The following YIPF3 variants were observed in gnomAD, a reference collection of about 807,000 sequenced individuals.
YIPF3 encodes protein YIPF3.
Under a neutral mutation model 40.3 loss-of-function variants are expected in YIPF3, and 18 were observed. The ratio of observed to expected loss-of-function variants is 0.45; its 90% CI spans 0.31 to 0.66. The LOEUF (loss-of-function observed/expected upper bound fraction) is 0.66, where lower values mean the gene tolerates loss of function less well. YIPF3 is among the 30% of genes least tolerant of loss of function. The pLI, the probability that YIPF3 is intolerant of heterozygous loss-of-function variation, is 0.07. For synonymous variants in YIPF3, 190 were observed against 179.6 expected, an observed-to-expected ratio of 1.06 and a Z score of -0.46; for missense variants, 406 against 452.2, an observed-to-expected ratio of 0.90 and a Z score of 0.93.
intron 8 of YIPF3, 35 bp from the exon 9 acceptor site, chr6:43,512,350 T>A: frequency 6.2e-7 from 1 of 1,612,868 alleles, no homozygotes; most frequent in African/African-American, 1.3e-5. Context: ...GAGGATCAGA[T>A]GGGCCCAGCC....
rs1792710406 is a variant in YIPF3 at position 43,513,356 on chromosome 6, T to TA, written c.534+2dup. The TA allele has an allele frequency of 6.2e-7, 1 of 1,614,152 alleles. No individual in the cohort carries two copies. The highest frequency in any genetic ancestry group is 8.5e-7 in the Non-Finnish European group (1 of 1,180,000). On this transcript the variant is annotated splice_region_variant and intron_variant, in intron 5 of 8. Coordinates refer to ENST00000372422, the MANE Select transcript of YIPF3 (RefSeq NM_015388.4). ...CCCCCCCAAAGTTGTCTGTCCTGCT[T>TA]ACGATAATAGTGTCAGACGTCTTCA...
Position 43,512,809 on chromosome 6 carries a change from G to A in YIPF3, c.732C>T (p.Leu244=). ...CCACCAACAGCCAGAAGAGGTAGAA[G>A]AGGGCGTGGAGGTGGATATTATAGG... ...FITYNIHLHA[L]FYLFWLLVGG... The change falls in exon 7 of 9, where the codon CTC becomes CTT. Residue 244 remains leucine (L), a synonymous_variant. Transcript: ENST00000372422. The A allele has an allele frequency of 1.2e-6, 2 of 1,614,086 alleles. No homozygotes were observed. The highest frequency in any genetic ancestry group is 1.7e-6 in the Non-Finnish European group (2 of 1,180,034).
intron 2 of YIPF3, 40 bp from the exon 3 acceptor site, chr6:43,515,741 T>C (rs1288468140): frequency 3.7e-6 from 6 of 1,612,350 alleles, no homozygotes; most frequent in South Asian, 1.1e-5. Flanking sequence ...GTGGTACTGT[T>C]GGTTCTAGAT....
At chr6:43,516,706 C>T (rs568955846) in intron 1 of YIPF3, 21 bp downstream of exon 1, 1 of 1,611,834 alleles carries the variant, frequency 6.2e-7, no homozygotes, top group South Asian at 1.1e-5. Context: ...CTGCTGGCAG[C>T]TGGTGCCTTG....
Position 43,513,437 on chromosome 6 carries a change from T to G in YIPF3, c.456A>C (p.Glu152Asp). Residue 152 changes from glutamate to aspartate, a missense_variant, in exon 5 of 9, where the codon GAA becomes GAC. Transcript: ENST00000372422. ...AGACCAGCATGAGAGGTCCATAGAG[T>G]TCACCTGCAATTTTCTGTCAATATA... ...MVNFPQKIAG[E>D]LYGPLMLVFT... The G allele has an allele frequency of 1.2e-6, 2 of 1,614,076 alleles. No homozygotes were observed. The highest frequency in any genetic ancestry group is 1.7e-6 in the Non-Finnish European group (2 of 1,180,004).
chr6:43,516,825 G>GTA lies in YIPF3; in HGVS notation c.-19_-18insTA, dbSNP rs1792852732. On this transcript the variant is annotated 5_prime_UTR_variant, in exon 1 of 9. Coordinates refer to ENST00000372422, the MANE Select transcript of YIPF3 (RefSeq NM_015388.4). ...GTTGCCATGTCCCTTGAGGGCTCCC[G>GTA]TCGCTGAAACCCGCGCTAGCCCCGC... 6.4e-7 allele frequency: 1 copy of GTA among 1,561,718 alleles called. No homozygotes were observed. The highest frequency in any genetic ancestry group is 1.4e-5 in the African/African-American group (1 of 73,438).
chr6:43,516,094 C>T lies in YIPF3; in HGVS notation c.83G>A (p.Gly28Asp), dbSNP rs1792818973. Residue 28 changes from glycine to aspartate, a missense_variant and splice_region_variant, in exon 2 of 9, where the codon GGC becomes GAC. Gly to Asp is a moderately conservative substitution (Grantham distance 94, BLOSUM62 -1). Transcript: ENST00000372422. ...CATGTCAATCACAGCTGAGCCTCCG[C>T]CCTGTGAAGACAATGGCTCCTAGAG... ...EWGGFEENIQ[G>D]GGSAVIDMEN... 6.2e-7 allele frequency: 1 copy of T among 1,614,222 alleles called. No individual in the cohort carries two copies.
chr6:43,513,337 C>T (rs753382065), intron 5 of YIPF3, 22 bp downstream of exon 5: 2 of 1,613,942 alleles, frequency 1.2e-6, no homozygotes, highest in East Asian at 2.2e-5. Flanking sequence ...GCCACCCCCC[C>T]AAAGTTGTCT....
chr6:43,512,857 C>A lies in YIPF3; in HGVS notation c.684G>T (p.Gly228=). ...AGGTGATGAACAGGACAATGCAATG[C>A]CCAAAGAGGCCATAGCCCTGGGAAG... ...MLALLGYGLF[G]HCIVLFITYN... is the part of the protein sequence containing the mutation. The change falls in exon 7 of 9, where the codon GGG becomes GGT. Residue 228 remains glycine (G), a synonymous_variant. Transcript: ENST00000372422. 6.2e-7 allele frequency: 1 copy of A among 1,613,882 alleles called. No individual in the cohort carries two copies. Among genetic ancestry groups the A allele is most frequent in the South Asian group, 1.1e-5 (1 of 91,038 alleles).
chr6:43,515,606 C>G lies in YIPF3; in HGVS notation c.384G>C (p.Gln128His), dbSNP rs1414896318. 1.9e-6 allele frequency: 3 copies of G among 1,613,404 alleles called. No homozygotes were observed. The highest frequency in any genetic ancestry group is 1.1e-5 in the South Asian group (1 of 91,040). The change falls in exon 3 of 9, where the codon CAG becomes CAC. Residue 128 changes from glutamine (Q) to histidine (H), a missense_variant. By Grantham distance (24) the Gln-to-His change is conservative. Coordinates refer to ENST00000372422, the MANE Select transcript of YIPF3 (RefSeq NM_015388.4). ...LRPYFDVEPA[Q>H]VRSRLLESMI... ...AGAAGGCTCCTCACCTGCTTCGCAC[C>G]TGAGCAGGCTCCACATCAAAGTAGG...
intron 3 of YIPF3, 38 bp from the exon 4 acceptor site, chr6:43,513,671 C>T (rs747019041): frequency 6.6e-7 from 1 of 1,521,434 alleles, no homozygotes; most frequent in African/African-American, 1.4e-5. Context: ...AAAGGCAGCA[C>T]AAGGCCATGA....
In YIPF3 at chr6:43,512,556, A is replaced by G. The variant is rs1271960117; in HGVS notation, c.788T>C (p.Val263Ala). Residue 263 changes from valine to alanine, a missense_variant, in exon 8 of 9, where the codon GTG becomes GCG. Transcript: ENST00000372422. ...GGLSTLRMVA[V>A]LVSRTVGPTQ... is the part of the protein sequence containing the mutation. ...GGGGCCCACGGTCCGAGACACCAAC[A>G]CTGCTACCTAGGACCATGAGAATAC... 6.2e-7 allele frequency: 1 copy of G among 1,610,846 alleles called. No individual in the cohort carries two copies. The highest frequency in any genetic ancestry group is 8.5e-7 in the Non-Finnish European group (1 of 1,179,294).
chr6:43,515,960 C>T lies in YIPF3; in HGVS notation c.217G>A (p.Glu73Lys), dbSNP rs1792810745. The change falls in exon 2 of 9, where the codon GAA (glutamate) becomes AAA (lysine). Residue 73 changes from glutamate (E) to lysine (K), a missense_variant. Glu to Lys is a moderately conservative substitution (Grantham distance 56). Transcript: ENST00000372422. ...CCCAGGAACTCTCCATCCTCCTCTTCAGCAGCAGCTGCATCAGCTGCATCA... is the reference window on the plus strand; with the variant it reads ...CCCAGGAACTCTCCATCCTCCTCTTTAGCAGCAGCTGCATCAGCTGCATCA... Reference protein sequence around the residue: ...DADAADAAAAEEEDGEFLGMK... With the variant: ...DADAADAAAAKEEDGEFLGMK... The T allele has an allele frequency of 6.2e-7, 1 of 1,614,042 alleles. No homozygotes were observed. The highest frequency in any genetic ancestry group is 8.5e-7 in the Non-Finnish European group (1 of 1,179,952).
chr6:43,513,711 T>G, intron 3 of YIPF3, 78 bp from the exon 4 acceptor site: 1 of 1,414,102 alleles, frequency 7.1e-7, no homozygotes, highest in Non-Finnish European at 9.5e-7. Flanking sequence ...TGAATTTTAT[T>G]CATCTCTAAC....
rs181225356 is a variant in YIPF3 at position 43,511,896 on chromosome 6, A to G, written c.*271T>C. ...TTTAGCAAGACAATGTGGGAGAGAT[A>G]AAGAGGAAGGAAGGGGTAGGTGGGG... On this transcript the variant is annotated 3_prime_UTR_variant, in exon 9 of 9. Coordinates refer to ENST00000372422, the MANE Select transcript of YIPF3 (RefSeq NM_015388.4). 5 of 486,252 alleles carry G rather than the reference A, an allele frequency of 1.0e-5. No homozygotes were observed. In the East Asian group the frequency reaches 1.9e-4, roughly 19 times the overall value. The allele number at this position is 486,252 out of a possible 1,614,324, so 30.1% of individuals were successfully genotyped here. A position where few individuals can be genotyped will look rare whatever the true frequency, so the allele number is the denominator to read the frequency against.
In YIPF3 at chr6:43,512,485, G is replaced by T; in HGVS notation, c.859C>A (p.Leu287Ile). 3 of 1,614,024 alleles carry T rather than the reference G, an allele frequency of 1.9e-6. No individual in the cohort carries two copies. Among genetic ancestry groups the T allele is most frequent in the Middle Eastern group, 1.7e-4 (1 of 5,910 alleles). Residue 287 changes from leucine (L) to isoleucine (I), a missense_variant, in exon 8 of 9, where the codon CTC becomes ATC. Physicochemically the swap from Leu to Ile is conservative, Grantham distance 5 (BLOSUM62 2). Transcript: ENST00000372422. The part of the protein sequence containing the change: ...LCGTLAALHM[L>I]FLLYLHFAYH... ...GCAAAATGCAGATAGAGCAGGAAGA[G>T]CATGTGTAGGGCAGCCAGGGTGCCA... is the stretch of plus-strand genomic sequence containing the variant.
intron 2 of YIPF3, 33 bp from the exon 3 acceptor site, chr6:43,515,734 G>A (rs1792799213): frequency 6.2e-7 from 1 of 1,612,598 alleles, no homozygotes; most frequent in African/African-American, 1.3e-5. Context: ...AGGTATTGTG[G>A]TACTGTTGGT....
chr6:43,516,894 A>G lies in YIPF3; in HGVS notation c.-87T>C, dbSNP rs1792856053. 7.0e-7 allele frequency: 1 copy of G among 1,424,514 alleles called. No individual in the cohort carries two copies. The highest frequency in any genetic ancestry group is 2.5e-5 in the East Asian group (1 of 40,298). The allele number at this position is 1,424,514 out of a possible 1,614,324, so 88.2% of individuals were successfully genotyped here. A position where few individuals can be genotyped will look rare whatever the true frequency, so the allele number is the denominator to read the frequency against. ...GTGGGCCTCCGGAAGGTAGACGTCCAGGGTCGAGGAGAGGTGGGATCGGCC... is the reference window on the plus strand; with the variant it reads ...GTGGGCCTCCGGAAGGTAGACGTCCGGGGTCGAGGAGAGGTGGGATCGGCC... On this transcript the variant is annotated 5_prime_UTR_variant, in exon 1 of 9. Coordinates refer to ENST00000372422, the MANE Select transcript of YIPF3 (RefSeq NM_015388.4).
chr6:43,513,726 G>A, intron 3 of YIPF3, 93 bp from the exon 4 acceptor site: 1 of 1,292,190 alleles, frequency 7.7e-7, no homozygotes, highest in Admixed American at 2.4e-5. Context: ...TCTAACTCCA[G>A]GGAATGGGGC....
Sources: gnomAD v4.1 joint callset for allele counts on GRCh38, gnomAD v4.1.1 for gene constraint, MANE v1.5 for transcripts, NCBI Gene and HGNC (gene_info 2026-07-23, HGNC 2026-07-21) for gene names.